Variants in FGF14 observed in about 807,000 individuals in gnomAD.
FGF14 encodes fibroblast growth factor homologous factor 4.
Under a neutral mutation model 25.5 loss-of-function variants are expected in FGF14, and 5 were observed. That is an observed-to-expected ratio of 0.20 (90% CI 0.10 to 0.41). The LOEUF is 0.41. Among genes scored for constraint, FGF14 ranks in the 10% least tolerant of loss-of-function variants. The pLI is 1.00. For synonymous variants in FGF14, 138 were observed against 118.3 expected, an observed-to-expected ratio of 1.17 and a Z score of -1.08; for missense variants, 222 against 320.1, an observed-to-expected ratio of 0.69 and a Z score of 2.34.
upstream of FGF14, among the ~76,000 whole-genome samples, chr13:101,917,629 G>A (rs113699710): frequency 2.8e-3 from 421 of 151,704 alleles, 1 homozygote; most frequent in African/African-American, 9.5e-3. Flanking sequence ...ACGCCCCCCC[G>A]TCGCCACCCC....
At chr13:101,993,255 T>G (rs1317927355) in intron 1 of FGF14, among the ~76,000 whole-genome samples, 3 of 146,544 alleles carry the variant, frequency 2.0e-5, no homozygotes, top group Non-Finnish European at 4.5e-5. Context: ...TCCTGAAAAA[T>G]TATCCTTCAA....
intron 1 of FGF14, among the ~76,000 whole-genome samples, chr13:102,340,081 A>C (rs932882716): frequency 6.6e-6 from 1 of 152,220 alleles, no homozygotes; most frequent in Non-Finnish European, 1.5e-5. Flanking sequence ...TTTGAAAAGA[A>C]AGAAAAAAAA....
chr13:101,923,590 C>T (rs1406041666), intron 1 of FGF14, among the ~76,000 whole-genome samples: 2 of 151,864 alleles, frequency 1.3e-5, no homozygotes, highest in African/African-American at 2.4e-5. Context: ...CATTTTTTTC[C>T]GTGATAGTAT....
At chr13:102,282,679 T>G (rs2063446563) in intron 1 of FGF14, among the ~76,000 whole-genome samples, 1 of 152,120 alleles carries the variant, frequency 6.6e-6, no homozygotes, top group African/African-American at 2.4e-5. Context: ...GAAGCCCATA[T>G]AGGAAGCCCC....
At chr13:102,087,646 G>A (rs113723278) in intron 1 of FGF14, among the ~76,000 whole-genome samples, 6,307 of 140,646 alleles carry the variant, frequency 0.045, 299 homozygotes, top group African/African-American at 0.11. Context: ...GGATGGTCTC[G>A]ATCTCCTGAC....
chr13:102,340,792 C>T lies in FGF14; in HGVS notation c.208+60679G>A, dbSNP rs1264986435. Among the ~76,000 whole-genome samples, 7 of 152,130 alleles carry T rather than the reference C, an allele frequency of 4.6e-5. No individual in the cohort carries two copies. In the East Asian group the frequency reaches 1.2e-3, roughly 25 times the overall value. ...TAAATTACCATGATGAATGTACTTT[C>T]GTGGGCTTTCAGAGTTTGTAATAAA... On this transcript the variant is annotated intron_variant, in intron 1 of 4. Coordinates refer to the FGF14 transcript ENST00000376131.
intron 1 of FGF14, among the ~76,000 whole-genome samples, chr13:102,309,172 C>T (rs1328533139): frequency 1.4e-5 from 1 of 71,418 alleles, no homozygotes; most frequent in Non-Finnish European, 2.7e-5. Flanking sequence ...ACACACATCT[C>T]GCACAGTAAT....
At chr13:102,113,645 A>T (rs919889236) in intron 1 of FGF14, among the ~76,000 whole-genome samples, 1 of 152,154 alleles carries the variant, frequency 6.6e-6, no homozygotes, top group African/African-American at 2.4e-5. Context: ...AAATCTCTTT[A>T]CAGTATTTGT....
At chr13:101,814,708 C>T (rs2041748555) in intron 3 of FGF14, among the ~76,000 whole-genome samples, 1 of 152,182 alleles carries the variant, frequency 6.6e-6, no homozygotes. Flanking sequence ...TTTCACCCAG[C>T]ATAATGTTTT....
Position 102,340,201 on chromosome 13 carries a change from G to A in FGF14, c.208+61270C>T, listed in dbSNP as rs375515246. ...CCCAGCCCTGAATTTCTTTCCAGTT[G>A]CAATGTTTTCAGATTCAAATTGCCC... On this transcript the variant is annotated intron_variant, in intron 1 of 4. Transcript: ENST00000376131. Among the ~76,000 whole-genome samples, 50 of 152,238 alleles carry A rather than the reference G, an allele frequency of 3.3e-4. No individual in the cohort carries two copies. The East Asian group carries it at 6.0e-3, about 18-fold the overall frequency.
At chr13:101,947,436 G>A (rs957205865) in intron 1 of FGF14, among the ~76,000 whole-genome samples, 8 of 151,830 alleles carry the variant, frequency 5.3e-5, no homozygotes, top group African/African-American at 1.9e-4. Flanking sequence ...TAAAATGTAG[G>A]TGCCCATCAA....
rs763228962 is a variant in FGF14, at chr13:102,400,833, G to C, written c.208+638C>G. Among the ~76,000 whole-genome samples, 1 of 152,162 alleles carries C rather than the reference G, an allele frequency of 6.6e-6. No individual in the cohort carries two copies. Among genetic ancestry groups the C allele is most frequent in the African/African-American group, 2.4e-5 (1 of 41,520 alleles). On this transcript the variant is annotated intron_variant, in intron 1 of 4. Coordinates refer to the FGF14 transcript ENST00000376131. The surrounding 1 kb of genome is among the most constrained non-coding windows in gnomAD (Gnocchi z 4.3). ...GCTGGGCTTGTCCTCTCAGTCTGGG[G>C]TTCCCTCCCGGCGCAAGCCTTGCTC...
intron 1 of FGF14, among the ~76,000 whole-genome samples, chr13:101,948,277 G>C (rs2035936796): frequency 6.6e-6 from 1 of 151,938 alleles, no homozygotes. Context: ...AGGTTTCCTT[G>C]CCCAATATAT....
At chr13:102,095,340 A>T (rs1302497020) in intron 1 of FGF14, among the ~76,000 whole-genome samples, 1 of 152,138 alleles carries the variant, frequency 6.6e-6, no homozygotes, top group Non-Finnish European at 1.5e-5. Flanking sequence ...TCCGTGCCAG[A>T]CAGTCATCAG....
chr13:101,950,380 T>A (rs1411143681), intron 1 of FGF14, among the ~76,000 whole-genome samples: 1 of 152,224 alleles, frequency 6.6e-6, no homozygotes. Flanking sequence ...AGGACCTCCA[T>A]GGACAGCTAT....
chr13:101,748,860 C>T (rs977380955), intron 3 of FGF14, among the ~76,000 whole-genome samples: 29 of 150,952 alleles, frequency 1.9e-4, no homozygotes, highest in Admixed American at 1.9e-3. Context: ...GATACTTGCA[C>T]ATCCATGTTT....
intron 1 of FGF14, among the ~76,000 whole-genome samples, chr13:101,895,173 T>C (rs2030446386): frequency 1.3e-5 from 2 of 152,170 alleles, no homozygotes; most frequent in Non-Finnish European, 2.9e-5. Context: ...TTAATGTGGG[T>C]ATATGCTTCA....
intron 1 of FGF14, among the ~76,000 whole-genome samples, chr13:102,136,897 C>T (rs899179686): frequency 2.0e-5 from 3 of 152,162 alleles, no homozygotes; most frequent in Admixed American, 6.5e-5. Flanking sequence ...CCATACTTGG[C>T]TAATGGACCA....
At chr13:101,937,809 A>G (rs142246492) in intron 1 of FGF14, among the ~76,000 whole-genome samples, 3,911 of 152,248 alleles carry the variant, frequency 0.026, 169 homozygotes, top group African/African-American at 0.089. Context: ...CATGTTGGCC[A>G]GGCTGGTCTC....
Sources: allele counts gnomAD v4.1 joint callset (sites outside exome capture counted in the v4.1 genomes callset), GRCh38; gene constraint gnomAD v4.1.1; non-coding constraint Gnocchi (gnomAD v3.1); transcripts MANE v1.5; gene names NCBI Gene and HGNC (gene_info 2026-07-23, HGNC 2026-07-21).